Variants in CFAP221 observed in about 807,000 individuals in gnomAD.
The protein encoded by CFAP221 is cilia and flagella associated protein 221, also known as cilia- and flagella-associated protein 221.
A neutral mutation model predicts 113.1 loss-of-function variants in CFAP221; 97 were observed. That is an observed-to-expected ratio of 0.86 (90% CI 0.73 to 1.02). CFAP221 has a LOEUF of 1.02. Ranked by LOEUF, CFAP221 falls within the 50% of genes least tolerant of loss-of-function variation. The probability of loss-of-function intolerance (pLI) is 0.00; values close to 1 mark genes in which losing one functional copy is unlikely to be tolerated. For missense variants in CFAP221, 1,025 were observed against 1,013.4 expected (o/e 1.01, Z -0.16); for synonymous variants, 331 against 354.4 (o/e 0.93, Z 0.74).
At chr2:119,582,457 CTTTTTTT>C (rs200310556) in intron 6 of CFAP221, among the ~76,000 whole-genome samples, 2 of 136,874 alleles carry the variant, frequency 1.5e-5, no homozygotes, top group African/African-American at 2.7e-5. Context: ...TAAGACATAT[CTTTTTTT>C]TTTTTTTTTT....
intron 3 of CFAP221, among the ~76,000 whole-genome samples, chr2:119,555,797 A>G (rs1680751853): frequency 6.6e-6 from 1 of 152,198 alleles, no homozygotes; most frequent in African/African-American, 2.4e-5. Flanking sequence ...TGAAATAAGG[A>G]CATTGCACAA....
At chr2:119,603,577 G>A (rs1414623168) in intron 8 of CFAP221, among the ~76,000 whole-genome samples, 1 of 152,182 alleles carries the variant, frequency 6.6e-6, no homozygotes, top group Non-Finnish European at 1.5e-5. Flanking sequence ...CTGTCAGAGT[G>A]AGTGAATGTT....
chr2:119,545,159 A>G (rs1679965465), intron 1 of CFAP221: 1 of 152,214 alleles, frequency 6.6e-6, no homozygotes, highest in Admixed American at 6.5e-5. Flanking sequence ...GTCTGAAGCT[A>G]TGGGTCTTCT....
intron 22 of CFAP221, among the ~76,000 whole-genome samples, chr2:119,649,105 T>C (rs1687978078): frequency 6.6e-6 from 1 of 152,240 alleles, no homozygotes; most frequent in South Asian, 2.1e-4. Context: ...ATGAATGAAT[T>C]GTGCCTATAC....
Position 119,647,019 on chromosome 2 carries a change from C to G in CFAP221, c.2287C>G (p.Pro763Ala), listed in dbSNP as rs1469364216. The change falls in exon 22 of 24, where the codon CCA becomes GCA. Residue 763 changes from proline (P) to alanine (A), a missense_variant. By Grantham distance (27) the Pro-to-Ala change is conservative (BLOSUM62 -1). Coordinates refer to ENST00000413369, the MANE Select transcript of CFAP221 (RefSeq NM_001271049.2). ...IDVPAILDAL[P>A]EEDRLETVER... ...CGTCCCTGCCATCCTTGATGCCTTA[C>G]CAGAAGAGGACAGACTAGAAACAGT... The G allele has an allele frequency of 1.9e-6, 3 of 1,612,608 alleles. No individual in the cohort carries two copies. Among genetic ancestry groups the G allele is most frequent in the Non-Finnish European group, 2.5e-6 (3 of 1,179,392 alleles).
rs774066877 is a variant in CFAP221 at position 119,549,186 on chromosome 2, G to A, written c.240+1G>A. On this transcript the variant is annotated splice_donor_variant, in intron 3 of 23. Transcript: ENST00000413369. LOFTEE classifies it high-confidence loss of function. The stretch of plus-strand genomic sequence containing the variant: ...AGAAAAACAACACCAACAGATTCTG[G>A]TAGGTACTTTTTAAATGGGATAATT... 2 of 1,522,354 alleles carry A rather than the reference G, an allele frequency of 1.3e-6. No individual in the cohort carries two copies. The highest frequency in any genetic ancestry group is 1.8e-6 in the Non-Finnish European group (2 of 1,138,758). 94.3% of individuals were successfully genotyped at this position (1,522,354 alleles called of 1,614,324 possible). A position where few individuals can be genotyped will look rare whatever the true frequency, so the allele number is the denominator to read the frequency against.
chr2:119,572,799 A>T (rs1327477156), intron 6 of CFAP221: 1 of 535,228 alleles, frequency 1.9e-6, no homozygotes, highest in African/African-American at 1.9e-5. Flanking sequence ...GGGCTCCTGC[A>T]GCAAGTGGAC....
chr2:119,645,253 A>C (rs147146839), intron 21 of CFAP221, among the ~76,000 whole-genome samples: 1 of 150,178 alleles, frequency 6.7e-6, no homozygotes, highest in African/African-American at 2.5e-5. Flanking sequence ...TATTGATTTA[A>C]TTTTATTTTT....
At chr2:119,569,099 AT>A (rs149836597) in intron 6 of CFAP221, among the ~76,000 whole-genome samples, 4 of 150,674 alleles carry the variant, frequency 2.7e-5, no homozygotes, top group Non-Finnish European at 4.4e-5. Context: ...CTACTGGGAA[AT>A]TTTTTTTTCC....
intron 23 of CFAP221, among the ~76,000 whole-genome samples, chr2:119,653,597 C>T (rs958705327): frequency 6.6e-6 from 1 of 152,064 alleles, no homozygotes; most frequent in African/African-American, 2.4e-5. Context: ...CAGTGTTTTC[C>T]GTTATCAATA....
chr2:119,654,941 G>C (rs563305795), intron 23 of CFAP221, among the ~76,000 whole-genome samples: 1 of 152,150 alleles, frequency 6.6e-6, no homozygotes, highest in African/African-American at 2.4e-5. Flanking sequence ...GCCTAATCCT[G>C]TGCTCAGTTT....
intron 2 of CFAP221, among the ~76,000 whole-genome samples, chr2:119,547,514 G>A (rs1385095946): frequency 6.6e-6 from 1 of 152,088 alleles, no homozygotes; most frequent in African/African-American, 2.4e-5. Context: ...AGCCAAGATG[G>A]CGCCACTGCA....
intron 3 of CFAP221, chr2:119,557,296 T>C (rs908491090): frequency 6.6e-6 from 1 of 152,190 alleles, no homozygotes; most frequent in Non-Finnish European, 1.5e-5. Context: ...GAGAAGACAC[T>C]CTGCAACACA....
chr2:119,569,093 T>C (rs1310273713), intron 6 of CFAP221, among the ~76,000 whole-genome samples: 1 of 145,728 alleles, frequency 6.9e-6, no homozygotes, highest in Non-Finnish European at 1.5e-5. Flanking sequence ...GTTTCTCTAC[T>C]GGGAAATTTT....
At chr2:119,581,574 C>T (rs1171904156) in intron 6 of CFAP221, among the ~76,000 whole-genome samples, 2 of 152,028 alleles carry the variant, frequency 1.3e-5, no homozygotes, top group Admixed American at 6.5e-5. Context: ...TTAGGGGGTA[C>T]GGAAGCTAGA....
chr2:119,549,099 C>T lies in CFAP221; in HGVS notation c.154C>T (p.Leu52Phe), dbSNP rs1340870822. Residue 52 changes from leucine to phenylalanine, a missense_variant, in exon 3 of 24, where the codon CTT (leucine) becomes TTT (phenylalanine). Physicochemically the swap from Leu to Phe is conservative, Grantham distance 22. Transcript: ENST00000413369. ...HLLESKVYAKLVNNKVIQARP... is the reference protein window; with the variant it reads ...HLLESKVYAKFVNNKVIQARP... ...TGTTTTTATAGAGGTTTATGCAAAA[C>T]TTGTGAATAATAAGGTCATACAGGC... 2 of 1,528,334 alleles carry T rather than the reference C, an allele frequency of 1.3e-6. No individual in the cohort carries two copies. Among genetic ancestry groups the T allele is most frequent in the Admixed American group, 2.0e-5 (1 of 49,216 alleles). The allele number at this position is 1,528,334 out of a possible 1,614,324, so 94.7% of individuals were successfully genotyped here. A position where few individuals can be genotyped will look rare whatever the true frequency, so the allele number is the denominator to read the frequency against.
chr2:119,567,289 C>T (rs922587811), intron 6 of CFAP221, among the ~76,000 whole-genome samples: 4 of 152,222 alleles, frequency 2.6e-5, no homozygotes, highest in Non-Finnish European at 4.4e-5. Flanking sequence ...CCTCCAACCC[C>T]CACAACCACT....
intron 2 of CFAP221, among the ~76,000 whole-genome samples, chr2:119,548,240 A>G (rs1478184837): frequency 1.3e-5 from 2 of 152,170 alleles, no homozygotes; most frequent in Non-Finnish European, 2.9e-5. Context: ...CTGGGATTAC[A>G]TGTGTGAGCC....
At chr2:119,593,816 C>A (rs372738510) in intron 7 of CFAP221, among the ~76,000 whole-genome samples, 1 of 150,804 alleles carries the variant, frequency 6.6e-6, no homozygotes, top group Admixed American at 6.6e-5. Flanking sequence ...CCTGCCTGGG[C>A]AACAGAGCGA....
Sources: allele counts gnomAD v4.1 joint callset (sites outside exome capture counted in the v4.1 genomes callset), GRCh38; gene constraint gnomAD v4.1.1; transcripts MANE v1.5; gene names NCBI Gene and HGNC (gene_info 2026-07-23, HGNC 2026-07-21).